Variants in KCNA6 observed in about 807,000 individuals in gnomAD.
KCNA6 encodes the protein potassium voltage-gated channel subfamily A member 6.
Under a neutral mutation model 29.5 loss-of-function variants are expected in KCNA6, and 17 were observed. The observed-to-expected ratio is 0.58, with a 90% CI of 0.39 to 0.86. The LOEUF is 0.86. KCNA6 is among the 40% of genes least tolerant of loss of function. KCNA6 has a pLI of 0.00. For synonymous variants in KCNA6, 296 were observed against 304.7 expected, an observed-to-expected ratio of 0.97 and a Z score of 0.30; for missense variants, 450 against 703.4, an observed-to-expected ratio of 0.64 and a Z score of 4.07.
chr12:4,848,278 T>C, the KCNA6 span, among the ~76,000 whole-genome samples: 2 of 151,980 alleles, frequency 1.3e-5, no homozygotes, highest in South Asian at 4.1e-4. Context: ...TCCTGAGCCT[T>C]TATAGGTTCC....
At chr12:4,826,084 C>G in the KCNA6 span, among the ~76,000 whole-genome samples, 1 of 152,218 alleles carries the variant, frequency 6.6e-6, no homozygotes, top group South Asian at 2.1e-4. Flanking sequence ...TCTTTTCCAT[C>G]TTCCTAAACA....
At chr12:4,837,593 G>C in the KCNA6 span, among the ~76,000 whole-genome samples, 1 of 152,076 alleles carries the variant, frequency 6.6e-6, no homozygotes, top group Non-Finnish European at 1.5e-5. Context: ...GCATGTTGGT[G>C]GGGAGGAATC....
At chr12:4,834,334 C>T in the KCNA6 span, among the ~76,000 whole-genome samples, 4 of 152,140 alleles carry the variant, frequency 2.6e-5, no homozygotes, top group Non-Finnish European at 5.9e-5. Flanking sequence ...GGGTTGGGAA[C>T]CGGTAGGGTG....
chr12:4,848,880 C>T, the KCNA6 span, among the ~76,000 whole-genome samples: 494 of 152,162 alleles, frequency 3.2e-3, 1 homozygote, highest in African/African-American at 0.011. Context: ...CTTTGGGAGG[C>T]GGAGGCAGGC....
Position 4,810,799 on chromosome 12 carries a change from C to A in KCNA6, c.758C>A (p.Thr253Asn), listed in dbSNP as rs761217013. 6.3e-6 allele frequency: 10 copies of A among 1,590,622 alleles called. No homozygotes were observed. In the South Asian group the frequency reaches 1.2e-4, roughly 19 times the overall value. Residue 253 changes from threonine to asparagine, a missense_variant, in exon 1 of 1, where the codon ACT becomes AAT. Thr to Asn is a moderately conservative substitution (Grantham distance 65). Transcript: ENST00000280684. This position sits in a 1 kb window ranked among gnomAD's most constrained non-coding sequence, Gnocchi z 7.5. ...ACCGGGGGCTCCTCCTCACTCAGTA[C>A]TCTTGGGGGCTCCTTCTTTACAGAC... is the stretch of plus-strand genomic sequence containing the variant.
the KCNA6 span, among the ~76,000 whole-genome samples, chr12:4,848,514 CAAAA>C: frequency 6.9e-6 from 1 of 144,944 alleles, no homozygotes; most frequent in South Asian, 2.2e-4. Flanking sequence ...CAGGAGGGAG[CAAAA>C]AAAAAAAAAT....
chr12:4,833,359 G>T, the KCNA6 span, among the ~76,000 whole-genome samples: 1 of 152,116 alleles, frequency 6.6e-6, no homozygotes, highest in East Asian at 1.9e-4. Flanking sequence ...GGGTTGTGTG[G>T]CTGTTGGCCA....
At chr12:4,843,283 C>T in the KCNA6 span, among the ~76,000 whole-genome samples, 2 of 151,782 alleles carry the variant, frequency 1.3e-5, no homozygotes, top group Admixed American at 1.3e-4. Context: ...CGGGTTCACA[C>T]CATTCTCCTG....
the KCNA6 span, among the ~76,000 whole-genome samples, chr12:4,820,734 A>C: frequency 5.9e-5 from 9 of 152,162 alleles, no homozygotes; most frequent in Non-Finnish European, 1.2e-4. Flanking sequence ...TAGCTAGAGA[A>C]GCCCAGAACC....
At chr12:4,837,839 A>C in the KCNA6 span, among the ~76,000 whole-genome samples, 1 of 151,196 alleles carries the variant, frequency 6.6e-6, no homozygotes, top group East Asian at 1.9e-4. Flanking sequence ...TTTTATGGTA[A>C]CCCAAGCAGA....
the KCNA6 span, among the ~76,000 whole-genome samples, chr12:4,844,120 T>C: frequency 2.0e-5 from 3 of 152,230 alleles, no homozygotes; most frequent in Non-Finnish European, 4.4e-5. The surrounding 1 kb of genome is among the most constrained non-coding windows in gnomAD (Gnocchi z 4.0). Flanking sequence ...CTTGATTTAC[T>C]TTTTCATTTT....
the KCNA6 span, among the ~76,000 whole-genome samples, chr12:4,845,754 T>C: frequency 1.3e-5 from 2 of 152,212 alleles, no homozygotes; most frequent in Non-Finnish European, 2.9e-5. Context: ...TTTCTTTTCT[T>C]TTAAATTAAA....
the KCNA6 span, among the ~76,000 whole-genome samples, chr12:4,823,554 G>A: frequency 2.0e-5 from 3 of 152,234 alleles, no homozygotes; most frequent in South Asian, 6.2e-4. Context: ...ATCACTTGAG[G>A]TCAGGAGTTC....
At chr12:4,809,347 G>C (rs1340685907) in exon 1 of KCNA6, 3 of 152,104 alleles carry the variant, frequency 2.0e-5, no homozygotes, top group African/African-American at 4.8e-5. Flanking sequence ...GCGGAGAGCC[G>C]AGCCGCTGCA....
At chr12:4,850,807 A>G in the KCNA6 span, 2 of 454,650 alleles carry the variant, frequency 4.4e-6, no homozygotes, top group South Asian at 1.6e-5. The surrounding 1 kb of genome is among the most constrained non-coding windows in gnomAD (Gnocchi z 5.4). Context: ...TGGACCCTCA[A>G]CTTCTTCAGA....
chr12:4,842,388 AG>A, the KCNA6 span: 1 of 152,342 alleles, frequency 6.6e-6, no homozygotes, highest in Non-Finnish European at 1.5e-5. Flanking sequence ...TTGGAGCCAC[AG>A]GATGAATGCC....
downstream of KCNA6, chr12:4,814,497 G>A (rs146477693): frequency 7.2e-5 from 12 of 167,238 alleles, no homozygotes; most frequent in East Asian, 1.5e-3. This position sits in a 1 kb window ranked among gnomAD's most constrained non-coding sequence, Gnocchi z 4.6. Flanking sequence ...AAACTGAGAG[G>A]CTGTAGCTCG....
the KCNA6 span, among the ~76,000 whole-genome samples, chr12:4,828,868 C>T: frequency 3.3e-5 from 5 of 152,154 alleles, no homozygotes; most frequent in African/African-American, 4.8e-5. Flanking sequence ...CTGGGAACAT[C>T]GCTAATGTAG....
downstream of KCNA6, among the ~76,000 whole-genome samples, chr12:4,815,900 G>T (rs1245888711): frequency 6.6e-6 from 1 of 152,188 alleles, no homozygotes; most frequent in African/African-American, 2.4e-5. Context: ...AACCTGAGGG[G>T]CCCCCATGGG....
Sources: allele counts gnomAD v4.1 joint callset (sites outside exome capture counted in the v4.1 genomes callset), GRCh38; gene constraint gnomAD v4.1.1; non-coding constraint Gnocchi (gnomAD v3.1); transcripts MANE v1.5; gene names NCBI Gene and HGNC (gene_info 2026-07-23, HGNC 2026-07-21).